Variants in TMX3 observed in about 807,000 individuals in gnomAD.
TMX3 encodes protein disulfide-isomerase TMX3.
TMX3 carries 40 observed loss-of-function variants against 64.4 expected under a neutral mutation model. The ratio of observed to expected loss-of-function variants is 0.62; its 90% confidence interval spans 0.48 to 0.81. The LOEUF (loss-of-function observed/expected upper bound fraction) is 0.81. Among genes scored for constraint, TMX3 ranks in the 30% least tolerant of loss-of-function variants. The pLI is 0.00. For synonymous variants in TMX3, 189 were observed against 175.7 expected (o/e 1.08, Z -0.60); for missense variants, 497 against 534.5 (o/e 0.93, Z 0.69).
intron 3 of TMX3, among the ~76,000 whole-genome samples, chr18:68,710,745 T>C (rs1458988075): frequency 2.0e-5 from 3 of 152,228 alleles, no homozygotes; most frequent in African/African-American, 4.8e-5. Flanking sequence ...CTACTTGTTA[T>C]ATTTTCATGA....
chr18:68,695,156 A>G (rs1914933766), intron 8 of TMX3, among the ~76,000 whole-genome samples: 1 of 152,180 alleles, frequency 6.6e-6, no homozygotes, highest in African/African-American at 2.4e-5. Flanking sequence ...TACTCCTCTG[A>G]AAACCACCAA....
At chr18:68,697,795 AT>A in intron 7 of TMX3, 136 bp downstream of exon 7, 1 of 573,200 alleles carries the variant, frequency 1.7e-6, no homozygotes, top group Admixed American at 3.4e-5. Context: ...TGTTTTTATT[AT>A]AAGAAATGCT....
intron 4 of TMX3, among the ~76,000 whole-genome samples, chr18:68,702,714 C>T (rs1294947810): frequency 1.3e-5 from 2 of 152,118 alleles, no homozygotes; most frequent in Non-Finnish European, 2.9e-5. Context: ...ATTTTGTTAT[C>T]ACACTTGGGT....
At chr18:68,706,887 G>C (rs429487) in intron 4 of TMX3, among the ~76,000 whole-genome samples, 39,595 of 151,826 alleles carry the variant, frequency 0.26, 8,845 homozygotes, top group African/African-American at 0.61. Context: ...TAGGAAGAAA[G>C]GTTGCTTCAC....
At chr18:68,700,950 C>T (rs572654963) in intron 5 of TMX3, 26 of 985,040 alleles carry the variant, frequency 2.6e-5, no homozygotes, top group South Asian at 1.4e-4. Context: ...TTAAAAACAG[C>T]TCTTCTAGAA....
At chr18:68,692,935 C>G (rs1235444195) in intron 8 of TMX3, among the ~76,000 whole-genome samples, 1 of 152,170 alleles carries the variant, frequency 6.6e-6, no homozygotes, top group Non-Finnish European at 1.5e-5. Flanking sequence ...GGTGCCAGCA[C>G]CTAGAACACA....
intron 3 of TMX3, 87 bp downstream of exon 3, chr18:68,711,277 T>C (rs1203164049): frequency 1.1e-6 from 1 of 927,666 alleles, no homozygotes; most frequent in Non-Finnish European, 1.6e-6. Context: ...ACTAGCTGTT[T>C]ACTGCCATTT....
intron 4 of TMX3, among the ~76,000 whole-genome samples, chr18:68,707,400 T>C (rs531629034): frequency 1.3e-5 from 2 of 152,158 alleles, no homozygotes; most frequent in Non-Finnish European, 2.9e-5. Flanking sequence ...CTTCTCTAAG[T>C]GTCTCAGGAA....
chr18:68,701,882 T>C, intron 4 of TMX3, 92 bp from the exon 5 acceptor site: 2 of 1,001,962 alleles, frequency 2.0e-6, no homozygotes. Flanking sequence ...AATAGAGATA[T>C]TTATACAACC....
At chr18:68,702,518 T>C (rs1428899023) in intron 4 of TMX3, among the ~76,000 whole-genome samples, 1 of 152,126 alleles carries the variant, frequency 6.6e-6, no homozygotes, top group African/African-American at 2.4e-5. Flanking sequence ...AGAAATCATA[T>C]GCCAAATTAA....
At chr18:68,686,760 C>A (rs1914003259) in intron 10 of TMX3, 1 of 984,896 alleles carries the variant, frequency 1.0e-6, no homozygotes, top group Non-Finnish European at 1.2e-6. Context: ...TCCCCGGCAA[C>A]TTCCAATAAT....
intron 4 of TMX3, among the ~76,000 whole-genome samples, chr18:68,702,279 T>C (rs2030179178): frequency 6.6e-6 from 1 of 151,808 alleles, no homozygotes; most frequent in Non-Finnish European, 1.5e-5. Context: ...TAACTTGTAT[T>C]TGCAAAATTA....
Position 68,715,061 on chromosome 18 carries a change from A to C in TMX3, c.-80T>G, listed in dbSNP as rs1004592916. ...GGGGTCCGCCGCCTGCCCGCCCGGA[A>C]AGGGAAACGGAGCCGACCCGGAGCG... On this transcript the variant is annotated 5_prime_UTR_variant, in exon 1 of 16. Coordinates refer to ENST00000299608, the MANE Select transcript of TMX3 (RefSeq NM_019022.5). 57 of 1,546,542 alleles carry C rather than the reference A, an allele frequency of 3.7e-5. No individual in the cohort carries two copies. The highest frequency in any genetic ancestry group is 5.9e-5 in the Admixed American group (3 of 50,768).
intron 13 of TMX3, chr18:68,681,418 AT>A: frequency 1.0e-6 from 1 of 962,170 alleles, no homozygotes; most frequent in Non-Finnish European, 1.2e-6. Context: ...GGTCTGCACA[AT>A]TCAAACTTAT....
intron 15 of TMX3, among the ~76,000 whole-genome samples, chr18:68,678,982 C>T (rs1220120995): frequency 1.3e-5 from 2 of 150,748 alleles, no homozygotes; most frequent in Non-Finnish European, 3.0e-5. Flanking sequence ...AATTATTTAC[C>T]AACTAGGGAA....
At chr18:68,709,087 T>C (rs2031007842) in intron 4 of TMX3, among the ~76,000 whole-genome samples, 2 of 152,158 alleles carry the variant, frequency 1.3e-5, no homozygotes, top group African/African-American at 4.8e-5. Flanking sequence ...AAAGATTTTA[T>C]ATCTGCTGGA....
chr18:68,714,032 G>C (rs2031614036), intron 1 of TMX3, 132 bp from the exon 2 acceptor site: 2 of 462,062 alleles, frequency 4.3e-6, no homozygotes, highest in Non-Finnish European at 7.8e-6. Context: ...GCATCCCAGG[G>C]TGCAAATGAT....
intron 4 of TMX3, among the ~76,000 whole-genome samples, chr18:68,704,123 G>GA (rs1024731151): frequency 7.2e-5 from 11 of 151,980 alleles, no homozygotes; most frequent in Admixed American, 6.6e-4. Flanking sequence ...ATTTTAAAAC[G>GA]AAAAAATAGA....
chr18:68,677,020 G>A lies in TMX3; in HGVS notation c.1278C>T (p.Ser426=), dbSNP rs752605087. Residue 426 remains serine (S), a synonymous_variant, in exon 16 of 16, where the codon AGC becomes AGT. Transcript: ENST00000299608. ...ENENQEQIEE[S]KEQQEPSSGG... is the part of the protein sequence containing the mutation. ...CACTGCTGGGCTCCTGCTGTTCTTT[G>A]CTCTCTTCTATCTGTTCTTGGTTTT... The A allele has an allele frequency of 1.3e-5, 21 of 1,613,596 alleles. No individual in the cohort carries two copies. Among genetic ancestry groups the A allele is most frequent in the Non-Finnish European group, 1.7e-5 (20 of 1,179,814 alleles).
Sources: allele counts gnomAD v4.1 joint callset (sites outside exome capture counted in the v4.1 genomes callset), GRCh38; gene constraint gnomAD v4.1.1; transcripts MANE v1.5; gene names NCBI Gene and HGNC (gene_info 2026-07-23, HGNC 2026-07-21).